The following LUZP2 variants were observed in gnomAD, a reference collection of about 807,000 sequenced individuals.
LUZP2 encodes leucine zipper protein 2.
In LUZP2, 52 loss-of-function variants were observed where a neutral mutation model predicts 51.6. That is an observed-to-expected ratio of 1.01 (90% CI 0.81 to 1.27). The LOEUF is 1.27. Ranked by LOEUF, LUZP2 falls within the 50% of genes most tolerant of loss-of-function variation. The pLI, the probability that LUZP2 is intolerant of heterozygous loss-of-function variation, is 0.00. For synonymous variants in LUZP2, 154 were observed against 137.3 expected (o/e 1.12, Z -0.85); for missense variants, 436 against 395.4 (o/e 1.10, Z -0.87).
intron 7 of LUZP2, among the ~76,000 whole-genome samples, chr11:24,928,223 T>C (rs1343257140): frequency 1.3e-5 from 2 of 152,100 alleles, no homozygotes; most frequent in African/African-American, 2.4e-5. Flanking sequence ...TGGATGCCCT[T>C]TATTTCTTTC....
chr11:24,737,990 A>G (rs1859004532), intron 3 of LUZP2, among the ~76,000 whole-genome samples: 2 of 150,302 alleles, frequency 1.3e-5, no homozygotes, highest in South Asian at 4.1e-4. Context: ...AAAGCATAAT[A>G]GTAAGGTTAT....
intron 6 of LUZP2, 71 bp from the exon 7 acceptor site, chr11:24,914,405 G>A: frequency 8.7e-7 from 1 of 1,144,136 alleles, no homozygotes; most frequent in Admixed American, 1.9e-5. Context: ...TGTGAAGTCT[G>A]AAAGTATTTT....
At position 24,924,495 on chromosome 11, in the gene LUZP2, T is replaced by C. The variant is rs76469629; in HGVS notation, c.522+9957T>C. The stretch of plus-strand genomic sequence containing the variant: ...GGAAGAAGCACAGATCACAGATGTT[T>C]CTGTGATTTTATGATCCTTTTTCCT... On this transcript the variant is annotated intron_variant, in intron 7 of 11. Transcript: ENST00000336930. Among the ~76,000 whole-genome samples, 1,471 of 152,294 alleles carry C rather than the reference T, an allele frequency of 9.7e-3. 20 individuals are homozygous for C. Among genetic ancestry groups the C allele is most frequent in the South Asian group, 0.045 (215 of 4,824 alleles).
chr11:24,798,705 A>G (rs184749021), intron 5 of LUZP2, among the ~76,000 whole-genome samples: 159 of 152,174 alleles, frequency 1.0e-3, no homozygotes, highest in Middle Eastern at 6.8e-3. Flanking sequence ...TGCATGCTCA[A>G]CTTCCTGCTT....
chr11:24,592,468 G>T (rs1216061846), intron 1 of LUZP2, among the ~76,000 whole-genome samples: 1 of 152,154 alleles, frequency 6.6e-6, no homozygotes, highest in Non-Finnish European at 1.5e-5. Flanking sequence ...ATTAAGGGAA[G>T]TTGCCTGTTA....
chr11:24,669,904 G>A (rs981513917), intron 1 of LUZP2, among the ~76,000 whole-genome samples: 1 of 151,748 alleles, frequency 6.6e-6, no homozygotes, highest in African/African-American at 2.4e-5. Context: ...AACTATCTTT[G>A]GCTATGAACA....
At chr11:24,959,704 C>G (rs1251201829) in intron 7 of LUZP2, among the ~76,000 whole-genome samples, 1 of 152,088 alleles carries the variant, frequency 6.6e-6, no homozygotes, top group East Asian at 1.9e-4. Context: ...CAAACAGGGA[C>G]AATTTGACTT....
chr11:24,534,136 C>T (rs11027984), intron 1 of LUZP2, among the ~76,000 whole-genome samples: 6,618 of 151,086 alleles, frequency 0.044, 450 homozygotes, highest in African/African-American at 0.15. Flanking sequence ...GTCTTAATGC[C>T]AGGCGAGTGT....
At chr11:24,568,151 G>T (rs1418613727) in intron 1 of LUZP2, among the ~76,000 whole-genome samples, 1 of 152,036 alleles carries the variant, frequency 6.6e-6, no homozygotes, top group Non-Finnish European at 1.5e-5. Flanking sequence ...AAAAGTATTA[G>T]GAGTTCGAGA....
At chr11:24,914,559 T>C (rs767999303) in intron 7 of LUZP2, 21 bp downstream of exon 7, 10 of 1,544,354 alleles carry the variant, frequency 6.5e-6, no homozygotes, top group Non-Finnish European at 8.8e-6. Flanking sequence ...TTTCTCTCTT[T>C]TCCCTGAAAC....
intron 9 of LUZP2, among the ~76,000 whole-genome samples, chr11:25,011,098 A>G (rs536217507): frequency 9.1e-4 from 139 of 152,298 alleles, no homozygotes; most frequent in African/African-American, 3.1e-3. Flanking sequence ...AATTCTGAAC[A>G]GCAACCCTCG....
intron 1 of LUZP2, among the ~76,000 whole-genome samples, chr11:24,600,458 G>A (rs1300551878): frequency 1.3e-5 from 2 of 152,088 alleles, no homozygotes. Flanking sequence ...TGAAGCAATA[G>A]GAAACTAACA....
At chr11:24,781,863 T>A (rs1200487620) in intron 5 of LUZP2, among the ~76,000 whole-genome samples, 1 of 152,032 alleles carries the variant, frequency 6.6e-6, no homozygotes, top group Non-Finnish European at 1.5e-5. Context: ...CTTTAATATG[T>A]ATGAAAAGCA....
At chr11:24,606,561 T>C (rs1412866000) in intron 1 of LUZP2, among the ~76,000 whole-genome samples, 1 of 152,016 alleles carries the variant, frequency 6.6e-6, no homozygotes, top group Admixed American at 6.6e-5. Flanking sequence ...GATGCTTAGG[T>C]GTTTTCATAT....
chr11:24,602,237 T>TATATGCAAAC (rs1853735457), intron 1 of LUZP2, among the ~76,000 whole-genome samples: 1 of 39,960 alleles, frequency 2.5e-5, no homozygotes, highest in Non-Finnish European at 1.3e-4. Flanking sequence ...CATATATGTG[T>TATATGCAAAC]ATATATGTAT....
intron 5 of LUZP2, among the ~76,000 whole-genome samples, chr11:24,781,995 G>A (rs1002797519): frequency 6.6e-6 from 1 of 152,034 alleles, no homozygotes; most frequent in African/African-American, 2.4e-5. Flanking sequence ...AAGACTCTAA[G>A]TAAGTGCTTG....
chr11:24,613,961 A>T (rs952468695), intron 1 of LUZP2, among the ~76,000 whole-genome samples: 1 of 151,898 alleles, frequency 6.6e-6, no homozygotes, highest in Non-Finnish European at 1.5e-5. Context: ...TTAACCGCCA[A>T]CTCTTTGGTG....
At chr11:24,514,923 T>C (rs371904035) in intron 1 of LUZP2, among the ~76,000 whole-genome samples, 1 of 152,160 alleles carries the variant, frequency 6.6e-6, no homozygotes, top group African/African-American at 2.4e-5. Flanking sequence ...ACTTTTTACA[T>C]GACTTTAGGT....
intron 1 of LUZP2, among the ~76,000 whole-genome samples, chr11:24,603,260 A>G (rs1001141787): frequency 2.0e-5 from 3 of 151,800 alleles, no homozygotes; most frequent in African/African-American, 7.2e-5. Flanking sequence ...CTGCCGTTGC[A>G]TCTGACTCCA....
Sources: allele counts gnomAD v4.1 joint callset (sites outside exome capture counted in the v4.1 genomes callset), GRCh38; gene constraint gnomAD v4.1.1; transcripts MANE v1.5; gene names NCBI Gene and HGNC (gene_info 2026-07-23, HGNC 2026-07-21).